The following GALNT13 variants were observed in gnomAD, a reference collection of about 807,000 sequenced individuals.
GALNT13 encodes polypeptide N-acetylgalactosaminyltransferase 13.
Under a neutral mutation model 64.2 loss-of-function variants are expected in GALNT13, and 28 were observed. That is an observed-to-expected ratio of 0.44 (90% confidence interval 0.32 to 0.60). The LOEUF (loss-of-function observed/expected upper bound fraction) is 0.60. GALNT13 is among the 20% of genes least tolerant of loss of function. The pLI is 0.05. For missense variants in GALNT13, 577 were observed against 669.8 expected, an observed-to-expected ratio of 0.86 and a Z score of 1.53; for synonymous variants, 214 against 224.6, an observed-to-expected ratio of 0.95 and a Z score of 0.42.
the GALNT13 span, among the ~76,000 whole-genome samples, chr2:153,127,184 A>G: frequency 2.7e-4 from 41 of 152,328 alleles, no homozygotes; most frequent in East Asian, 7.9e-3. Flanking sequence ...AATGCAATAC[A>G]TTATAAATCA....
chr2:154,131,311 T>C (rs1304250532), intron 3 of GALNT13, among the ~76,000 whole-genome samples: 1 of 152,202 alleles, frequency 6.6e-6, no homozygotes, highest in Non-Finnish European at 1.5e-5. Context: ...TGTGAAAGGA[T>C]TGGCAAACAT....
the GALNT13 span, among the ~76,000 whole-genome samples, chr2:153,403,207 C>T: frequency 2.7e-5 from 4 of 149,972 alleles, no homozygotes; most frequent in Admixed American, 2.6e-4. Flanking sequence ...TCGGTATGCC[C>T]CTGCTGGGGG....
intron 9 of GALNT13, among the ~76,000 whole-genome samples, chr2:154,335,390 T>C (rs1695383720): frequency 6.6e-6 from 1 of 152,010 alleles, no homozygotes; most frequent in African/African-American, 2.4e-5. Context: ...ATAATGTCAT[T>C]ATTACAAAGG....
chr2:154,179,779 A>G (rs1318764726), intron 4 of GALNT13, among the ~76,000 whole-genome samples: 1 of 151,826 alleles, frequency 6.6e-6, no homozygotes, highest in African/African-American at 2.4e-5. Context: ...CTTCTCCAGA[A>G]ATGACATTTG....
chr2:154,121,492 T>C (rs561126379), intron 3 of GALNT13, among the ~76,000 whole-genome samples: 1 of 152,280 alleles, frequency 6.6e-6, no homozygotes, highest in Non-Finnish European at 1.5e-5. Flanking sequence ...TTGATTTGTT[T>C]TATCTGAATT....
chr2:153,207,761 A>G, the GALNT13 span, among the ~76,000 whole-genome samples: 1 of 152,184 alleles, frequency 6.6e-6, no homozygotes, highest in Non-Finnish European at 1.5e-5. Context: ...TATTATTCTT[A>G]TTGATACACA....
intron 4 of GALNT13, among the ~76,000 whole-genome samples, chr2:154,194,445 A>G (rs576122024): frequency 6.6e-6 from 1 of 152,334 alleles, no homozygotes; most frequent in Admixed American, 6.5e-5. Flanking sequence ...ATGAAAATAC[A>G]GTGTAGACAG....
chr2:153,649,208 A>G, the GALNT13 span, among the ~76,000 whole-genome samples: 6 of 152,016 alleles, frequency 3.9e-5, no homozygotes, highest in East Asian at 1.9e-4. Context: ...TGTATGTTTC[A>G]AGGAATTTAT....
chr2:154,124,404 T>C (rs532790716), intron 3 of GALNT13, among the ~76,000 whole-genome samples: 1 of 152,242 alleles, frequency 6.6e-6, no homozygotes, highest in African/African-American at 2.4e-5. Context: ...TGCTGTTTTA[T>C]ATTTTGTTAT....
At chr2:153,145,516 C>A in the GALNT13 span, among the ~76,000 whole-genome samples, 12 of 151,656 alleles carry the variant, frequency 7.9e-5, no homozygotes, top group Non-Finnish European at 1.6e-4. Flanking sequence ...AAAATTAAGC[C>A]AAATTCTAAA....
the GALNT13 span, among the ~76,000 whole-genome samples, chr2:153,846,600 A>G: frequency 1.3e-5 from 2 of 152,190 alleles, no homozygotes; most frequent in South Asian, 4.1e-4. Flanking sequence ...TCACATTAAA[A>G]GATAATCAGA....
At chr2:154,194,929 A>G (rs1185117603) in intron 4 of GALNT13, among the ~76,000 whole-genome samples, 1 of 151,000 alleles carries the variant, frequency 6.6e-6, no homozygotes, top group Non-Finnish European at 1.5e-5. Context: ...ACATAGATAT[A>G]CATATGCCAT....
the GALNT13 span, among the ~76,000 whole-genome samples, chr2:153,129,771 A>T: frequency 6.7e-6 from 1 of 149,762 alleles, no homozygotes; most frequent in Non-Finnish European, 1.5e-5. Flanking sequence ...TCTGTCTCAA[A>T]AAAAAAAAGG....
the GALNT13 span, among the ~76,000 whole-genome samples, chr2:153,394,538 A>G: frequency 1.3e-5 from 2 of 152,080 alleles, no homozygotes; most frequent in Non-Finnish European, 2.9e-5. Context: ...CCAATCTCAG[A>G]AAAACAGTTG....
At chr2:153,797,803 A>G in the GALNT13 span, among the ~76,000 whole-genome samples, 1 of 152,210 alleles carries the variant, frequency 6.6e-6, no homozygotes, top group Non-Finnish European at 1.5e-5. Flanking sequence ...CTCACACTCC[A>G]TGCTATTGCT....
the GALNT13 span, among the ~76,000 whole-genome samples, chr2:153,433,456 T>C: frequency 6.6e-6 from 1 of 152,214 alleles, no homozygotes; most frequent in Non-Finnish European, 1.5e-5. Flanking sequence ...GGTGTCATTA[T>C]TCTTATAGAA....
chr2:153,643,822 T>C, the GALNT13 span, among the ~76,000 whole-genome samples: 1 of 152,052 alleles, frequency 6.6e-6, no homozygotes, highest in Non-Finnish European at 1.5e-5. Context: ...TGTAATTTAT[T>C]GTGTTACCAT....
At chr2:153,303,648 T>C in the GALNT13 span, among the ~76,000 whole-genome samples, 1 of 152,222 alleles carries the variant, frequency 6.6e-6, no homozygotes, top group Non-Finnish European at 1.5e-5. Context: ...GAAAAAACTT[T>C]TAACTTTTCA....
intron 4 of GALNT13, among the ~76,000 whole-genome samples, chr2:154,155,996 G>A (rs1182763985): frequency 6.6e-6 from 1 of 151,588 alleles, no homozygotes; most frequent in Non-Finnish European, 1.5e-5. Flanking sequence ...TTTATGTATT[G>A]CATTTATAGT....
Sources: gnomAD v4.1 joint callset for allele counts (sites outside exome capture counted in the v4.1 genomes callset) on GRCh38, gnomAD v4.1.1 for gene constraint, MANE v1.5 for transcripts, NCBI Gene and HGNC (gene_info 2026-07-23, HGNC 2026-07-21) for gene names.